Variants in KIF6 observed in about 807,000 individuals in gnomAD.
KIF6 encodes the protein kinesin family member 6, also known as kinesin-like protein KIF6.
A neutral mutation model predicts 112.7 loss-of-function variants in KIF6; 106 were observed. The ratio of observed to expected loss-of-function variants is 0.94; its 90% CI spans 0.80 to 1.11. The LOEUF (loss-of-function observed/expected upper bound fraction) is 1.11, where lower values mean the gene tolerates loss of function less well. KIF6 is among the 50% of genes least tolerant of loss of function. The pLI is 0.00. For synonymous variants in KIF6, 339 were observed against 339.9 expected (o/e 1.00, Z 0.03); for missense variants, 929 against 964.0 (o/e 0.96, Z 0.48).
At chr6:39,591,890 A>G (rs1421111519) in intron 7 of KIF6, among the ~76,000 whole-genome samples, 1 of 152,174 alleles carries the variant, frequency 6.6e-6, no homozygotes, top group Non-Finnish European at 1.5e-5. Flanking sequence ...AGGCGGGCGG[A>G]TCACGAGGTC....
In KIF6 at chr6:39,470,020, G is replaced by A. The variant is rs139926567; in HGVS notation, c.1646-38859C>T. 9.6e-3 allele frequency among the ~76,000 whole-genome samples: 1,454 copies of A among 152,214 alleles called. 14 individuals carry two copies. Among genetic ancestry groups the A allele is most frequent in the Middle Eastern group, 0.041 (12 of 294 alleles). ...ATACAGATTTTTCACAAGCACACACGAAAACATTCTCTAGGATAAATCATG... is the reference window on the plus strand; with the variant it reads ...ATACAGATTTTTCACAAGCACACACAAAAACATTCTCTAGGATAAATCATG... On this transcript the variant is annotated intron_variant, in intron 13 of 22. Coordinates refer to ENST00000287152, the MANE Select transcript of KIF6 (RefSeq NM_145027.6).
rs544554428 is a variant in KIF6 at position 39,680,666 on chromosome 6, T to A, written c.251+34026A>T. Among the ~76,000 whole-genome samples the A allele has an allele frequency of 2.0e-5, 3 of 152,282 alleles. No homozygotes were observed. The South Asian group carries it at 6.2e-4, about 32-fold the overall frequency. The stretch of plus-strand genomic sequence containing the variant: ...GTGAAACAAATACCCCATGCTACTC[T>A]GACAACTTGACAAAGACTAGAAATA... On this transcript the variant is annotated intron_variant, in intron 3 of 22. Transcript: ENST00000287152.
chr6:39,576,566 C>T (rs561809846), intron 10 of KIF6, among the ~76,000 whole-genome samples: 19 of 152,270 alleles, frequency 1.2e-4, no homozygotes, highest in African/African-American at 1.9e-4. Context: ...GAAAGGGGGA[C>T]GTGAGAGAAG....
chr6:39,539,364 GACAGA>G (rs1435713502), intron 13 of KIF6, among the ~76,000 whole-genome samples: 2 of 151,958 alleles, frequency 1.3e-5, no homozygotes, highest in East Asian at 3.8e-4. Flanking sequence ...TTATTTTTGA[GACAGA>G]GTCTCACTCT....
chr6:39,601,512 T>G (rs1782569121), intron 6 of KIF6, among the ~76,000 whole-genome samples: 1 of 152,116 alleles, frequency 6.6e-6, no homozygotes, highest in East Asian at 1.9e-4. Context: ...TCAAAATCCT[T>G]TTTAAATATG....
intron 3 of KIF6, among the ~76,000 whole-genome samples, chr6:39,681,264 C>A (rs1419584248): frequency 6.6e-6 from 1 of 152,054 alleles, no homozygotes; most frequent in African/African-American, 2.4e-5. Flanking sequence ...GAAGAATACC[C>A]AATTAAAAGC....
intron 10 of KIF6, among the ~76,000 whole-genome samples, chr6:39,546,924 T>A (rs1357359881): frequency 6.6e-6 from 1 of 152,188 alleles, no homozygotes; most frequent in African/African-American, 2.4e-5. Flanking sequence ...GGCTCTTATT[T>A]ATCTTTGTTC....
intron 13 of KIF6, among the ~76,000 whole-genome samples, chr6:39,495,347 G>A (rs140689037): frequency 1.5e-3 from 235 of 152,288 alleles, no homozygotes; most frequent in African/African-American, 5.4e-3. Context: ...CCCTGGAAGA[G>A]GAAGCACTTG....
At chr6:39,369,574 C>T (rs746369773) in intron 16 of KIF6, among the ~76,000 whole-genome samples, 28 of 152,174 alleles carry the variant, frequency 1.8e-4, no homozygotes, top group Non-Finnish European at 2.6e-4. Context: ...TTCCCTGCTA[C>T]GACTGTGGGC....
chr6:39,384,305 C>T (rs188712075), intron 16 of KIF6, among the ~76,000 whole-genome samples: 1 of 152,318 alleles, frequency 6.6e-6, no homozygotes, highest in Non-Finnish European at 1.5e-5. Flanking sequence ...ATACAGAGGC[C>T]CATAAGGTCA....
At chr6:39,355,459 CTTTTTTTT>C (rs574801087) in intron 19 of KIF6, among the ~76,000 whole-genome samples, 1 of 82,754 alleles carries the variant, frequency 1.2e-5, no homozygotes. Flanking sequence ...TTTAAGAAGT[CTTTTTTTT>C]TTTTTTTTTT....
chr6:39,463,365 G>A (rs1295992534), intron 13 of KIF6, among the ~76,000 whole-genome samples: 1 of 151,900 alleles, frequency 6.6e-6, no homozygotes, highest in Admixed American at 6.6e-5. Context: ...AAATTTCTCT[G>A]AAAATATTCT....
At position 39,624,613 on chromosome 6, in the gene KIF6, A is replaced by G. The variant is rs140378210; in HGVS notation, c.509+10236T>C. On this transcript the variant is annotated intron_variant, in intron 5 of 22. Transcript: ENST00000287152. ...AAGCAAGACAAATCCATACTAATAC[A>G]CAGTTTAGAATGTGTATTTCACCTC... Among the ~76,000 whole-genome samples the G allele has an allele frequency of 9.5e-3, 1,450 of 152,294 alleles. 21 individuals are homozygous for G. Among genetic ancestry groups the G allele is most frequent in the South Asian group, 0.015 (74 of 4,824 alleles).
intron 13 of KIF6, among the ~76,000 whole-genome samples, chr6:39,517,131 G>A (rs769192047): frequency 1.1e-4 from 16 of 152,272 alleles, no homozygotes; most frequent in South Asian, 4.1e-4. Context: ...GCTAAGAAAG[G>A]AGGTGACCAA....
At chr6:39,548,933 G>C (rs988665226) in intron 10 of KIF6, among the ~76,000 whole-genome samples, 3 of 152,172 alleles carry the variant, frequency 2.0e-5, no homozygotes, top group African/African-American at 7.2e-5. Context: ...CTAGGGGAAA[G>C]AGAAAAGAAA....
At chr6:39,349,599 G>A (rs1278209817) in intron 19 of KIF6, among the ~76,000 whole-genome samples, 1 of 148,964 alleles carries the variant, frequency 6.7e-6, no homozygotes, top group Non-Finnish European at 1.5e-5. Flanking sequence ...CACTTGCCAT[G>A]GAGTGTGAAG....
intron 12 of KIF6, among the ~76,000 whole-genome samples, chr6:39,543,613 G>A (rs1258854004): frequency 9.0e-6 from 1 of 111,616 alleles, no homozygotes; most frequent in Non-Finnish European, 1.6e-5. Context: ...GCATCTTTTG[G>A]TAATTTAAAA....
At chr6:39,601,520 A>G (rs980821252) in intron 6 of KIF6, among the ~76,000 whole-genome samples, 7 of 152,104 alleles carry the variant, frequency 4.6e-5, no homozygotes, top group African/African-American at 1.7e-4. Flanking sequence ...CTTTTTAAAT[A>G]TGGTACTCTG....
At chr6:39,688,150 A>T (rs1260104071) in intron 3 of KIF6, among the ~76,000 whole-genome samples, 1 of 152,174 alleles carries the variant, frequency 6.6e-6, no homozygotes, top group Non-Finnish European at 1.5e-5. Flanking sequence ...CTTGCAGGGG[A>T]GAATGCAAGG....
Sources: gnomAD v4.1 joint callset for allele counts (sites outside exome capture counted in the v4.1 genomes callset) on GRCh38, gnomAD v4.1.1 for gene constraint, MANE v1.5 for transcripts, NCBI Gene and HGNC (gene_info 2026-07-23, HGNC 2026-07-21) for gene names.